Variants in RORA observed in about 807,000 individuals in gnomAD.
The protein encoded by RORA is RAR related orphan receptor A.
Under a neutral mutation model 69.5 loss-of-function variants are expected in RORA, and 7 were observed. The ratio of observed to expected loss-of-function variants is 0.10; its 90% CI spans 0.06 to 0.19. RORA has a LOEUF of 0.19. Ranked by LOEUF, RORA falls within the 10% of genes least tolerant of loss-of-function variation. The pLI is 1.00. For synonymous variants in RORA, 261 were observed against 240.8 expected, an observed-to-expected ratio of 1.08 and a Z score of -0.78; for missense variants, 457 against 663.0, an observed-to-expected ratio of 0.69 and a Z score of 3.41.
intron 2 of RORA, among the ~76,000 whole-genome samples, chr15:60,620,854 G>A (rs1346191016): frequency 6.6e-6 from 1 of 152,226 alleles, no homozygotes; most frequent in Non-Finnish European, 1.5e-5. Flanking sequence ...CCGGAGCTCC[G>A]CCTCCCACTA....
At chr15:60,675,961 G>A (rs2070547029) in intron 2 of RORA, among the ~76,000 whole-genome samples, 1 of 152,212 alleles carries the variant, frequency 6.6e-6, no homozygotes, top group African/African-American at 2.4e-5. Flanking sequence ...CGATGATTAT[G>A]TAGTCAAGTC....
intron 1 of RORA, among the ~76,000 whole-genome samples, chr15:60,744,324 G>A (rs191979140): frequency 4.7e-4 from 71 of 152,330 alleles, no homozygotes; most frequent in African/African-American, 1.5e-3. Flanking sequence ...CGGGGGACAT[G>A]AGGCAGCTCC....
intron 2 of RORA, chr15:60,627,479 G>A (rs2069621541): frequency 3.2e-6 from 5 of 1,557,584 alleles, no homozygotes; most frequent in Non-Finnish European, 4.3e-6. Flanking sequence ...ACAGCTGGGT[G>A]GAGAATGATG....
At chr15:60,846,509 A>G (rs1484784099) in intron 1 of RORA, among the ~76,000 whole-genome samples, 1 of 152,198 alleles carries the variant, frequency 6.6e-6, no homozygotes, top group African/African-American at 2.4e-5. Context: ...TGGAATGCAG[A>G]TATAGATTGC....
intron 1 of RORA, among the ~76,000 whole-genome samples, chr15:60,930,780 T>A (rs1892351311): frequency 6.6e-6 from 1 of 152,184 alleles, no homozygotes; most frequent in East Asian, 1.9e-4. Context: ...CACCTGCTCA[T>A]CTGCTCACCT....
chr15:60,914,318 G>A (rs1891808976), intron 1 of RORA, among the ~76,000 whole-genome samples: 1 of 152,152 alleles, frequency 6.6e-6, no homozygotes, highest in South Asian at 2.1e-4. Context: ...CCATGGGGAG[G>A]TGAGGGGGAA....
At chr15:60,835,600 C>T (rs1157665447) in intron 1 of RORA, among the ~76,000 whole-genome samples, 2 of 152,206 alleles carry the variant, frequency 1.3e-5, no homozygotes, top group African/African-American at 4.8e-5. Context: ...ATATAACTCT[C>T]ATGGCAATCG....
At chr15:60,962,205 T>G (rs1893433265) in intron 1 of RORA, among the ~76,000 whole-genome samples, 1 of 152,218 alleles carries the variant, frequency 6.6e-6, no homozygotes, top group African/African-American at 2.4e-5. Flanking sequence ...ACCCAATAGC[T>G]ACAGAAATTT....
intron 2 of RORA, among the ~76,000 whole-genome samples, chr15:60,573,437 T>C (rs1029355891): frequency 6.6e-6 from 1 of 152,180 alleles, no homozygotes; most frequent in South Asian, 2.1e-4. Context: ...AAAGCTTTTT[T>C]ATCTCTTGAA....
intron 1 of RORA, among the ~76,000 whole-genome samples, chr15:60,980,389 C>T (rs1167433248): frequency 1.3e-5 from 2 of 152,078 alleles, no homozygotes; most frequent in African/African-American, 2.4e-5. Flanking sequence ...GTAATACTGA[C>T]CTCACAGAAT....
At position 60,534,801 on chromosome 15, in the gene RORA, C is replaced by T. The variant is rs930186241; in HGVS notation, c.197-2950G>A. Among the ~76,000 whole-genome samples the T allele has an allele frequency of 1.3e-5, 2 of 152,118 alleles. No individual in the cohort carries two copies. Among genetic ancestry groups the T allele is most frequent in the African/African-American group, 4.8e-5 (2 of 41,424 alleles). The stretch of plus-strand genomic sequence containing the variant: ...CACACGTGTTGATATTCCCAGAAAG[C>T]GAGCATTTGCAGATTGGAGCAGGGC... On this transcript the variant is annotated intron_variant, in intron 2 of 10. Coordinates refer to ENST00000335670, the MANE Select transcript of RORA (RefSeq NM_134261.3). This position sits in a 1 kb window ranked among gnomAD's most constrained non-coding sequence, Gnocchi z 5.0.
chr15:61,018,765 G>T (rs1895398160), intron 1 of RORA, among the ~76,000 whole-genome samples: 1 of 152,120 alleles, frequency 6.6e-6, no homozygotes, highest in South Asian at 2.1e-4. Context: ...TGTATATGAT[G>T]ATATACTCAA....
intron 1 of RORA, among the ~76,000 whole-genome samples, chr15:61,156,541 C>A (rs1336351639): frequency 6.6e-6 from 1 of 152,108 alleles, no homozygotes; most frequent in Non-Finnish European, 1.5e-5. Context: ...CAGAGAACAG[C>A]CCAGCAGGAA....
At chr15:60,500,421 A>G (rs1214562858) in intron 9 of RORA, among the ~76,000 whole-genome samples, 1 of 152,222 alleles carries the variant, frequency 6.6e-6, no homozygotes, top group Non-Finnish European at 1.5e-5. Flanking sequence ...AAAATTGTCA[A>G]TAGAATTCCA....
intron 1 of RORA, among the ~76,000 whole-genome samples, chr15:61,192,202 G>C (rs2079807001): frequency 6.6e-6 from 1 of 152,214 alleles, no homozygotes; most frequent in African/African-American, 2.4e-5. Context: ...TTGACCATTG[G>C]CCTTTAATTC....
At chr15:60,535,850 C>G (rs1454177225) in intron 2 of RORA, among the ~76,000 whole-genome samples, 1 of 152,174 alleles carries the variant, frequency 6.6e-6, no homozygotes, top group Non-Finnish European at 1.5e-5. Flanking sequence ...CTCCAATACC[C>G]TATGCGGTAG....
chr15:60,678,789 G>A, intron 1 of RORA, 103 bp from the exon 2 acceptor site: 1 of 971,738 alleles, frequency 1.0e-6, no homozygotes, highest in Non-Finnish European at 1.6e-6. Flanking sequence ...TAGTTCAGAT[G>A]GGGAAGTGGA....
At chr15:60,665,905 C>A (rs2070373047) in intron 2 of RORA, among the ~76,000 whole-genome samples, 1 of 152,162 alleles carries the variant, frequency 6.6e-6, no homozygotes, top group Admixed American at 6.5e-5. Context: ...GAACTCCTGA[C>A]CTCCAGTGAT....
chr15:61,189,852 G>A (rs2079779534), intron 1 of RORA, among the ~76,000 whole-genome samples: 1 of 24,510 alleles, frequency 4.1e-5, no homozygotes, highest in African/African-American at 1.1e-4. Flanking sequence ...GCGAGACTCT[G>A]TCTCAAAAAA....
Sources: gnomAD v4.1 joint callset for allele counts (sites outside exome capture counted in the v4.1 genomes callset) on GRCh38, gnomAD v4.1.1 for gene constraint, Gnocchi (gnomAD v3.1) non-coding constraint, MANE v1.5 for transcripts, NCBI Gene and HGNC (gene_info 2026-07-23, HGNC 2026-07-21) for gene names.